Variants in EFCC1 observed in about 807,000 individuals in gnomAD.
The protein encoded by EFCC1 is EF-hand and coiled-coil domain-containing protein 1.
EFCC1 carries 50 observed loss-of-function variants against 52.1 expected under a neutral mutation model. The ratio of observed to expected loss-of-function variants is 0.96; its 90% CI spans 0.76 to 1.21. The LOEUF is 1.21. Ranked by LOEUF, EFCC1 falls within the 50% of genes most tolerant of loss-of-function variation. EFCC1 has a pLI of 0.00. For missense variants in EFCC1, 837 were observed against 867.3 expected, an observed-to-expected ratio of 0.97 and a Z score of 0.44; for synonymous variants, 399 against 396.5, an observed-to-expected ratio of 1.01 and a Z score of -0.08.
At chr3:129,017,607 A>AT (rs1234428590) in intron 2 of EFCC1, among the ~76,000 whole-genome samples, 19 of 152,066 alleles carry the variant, frequency 1.2e-4, no homozygotes. Context: ...CTTCACCCAC[A>AT]TTGCTTTCAT....
chr3:129,033,094 C>T (rs1445376546), intron 4 of EFCC1, 128 bp downstream of exon 4: 4 of 1,344,068 alleles, frequency 3.0e-6, no homozygotes, highest in Non-Finnish European at 3.9e-6. Context: ...GACTCTGTCC[C>T]CTTGTCCCTC....
chr3:129,028,212 T>G (rs1223216209), intron 2 of EFCC1, among the ~76,000 whole-genome samples: 1 of 151,706 alleles, frequency 6.6e-6, no homozygotes, highest in Admixed American at 6.6e-5. Flanking sequence ...GCCTCCTGAG[T>G]AGCTGGGATT....
chr3:129,030,902 T>G, intron 3 of EFCC1, 42 bp downstream of exon 3: 1 of 1,525,112 alleles, frequency 6.6e-7, no homozygotes, highest in Non-Finnish European at 8.8e-7. Context: ...AGGCTCACAG[T>G]CCCTCCGGCT....
Position 129,039,836 on chromosome 3 carries a change from C to A in EFCC1, c.1788C>A (p.Leu596=), listed in dbSNP as rs769371975. The part of the protein sequence containing the change: ...SAAAALTNPL[L]VSC Reference sequence around the variant, plus strand: ...CAGCTGCGCTCACCAACCCCCTCCTCGTCTCCTGCTGAGGTTACTGGCCCA... The same window carrying A: ...CAGCTGCGCTCACCAACCCCCTCCTAGTCTCCTGCTGAGGTTACTGGCCCA... Residue 596 remains leucine, a synonymous_variant, in exon 8 of 8, where the codon CTC becomes CTA. Transcript: ENST00000683648. 6.2e-7 allele frequency: 1 copy of A among 1,607,030 alleles called. No homozygotes were observed. Among genetic ancestry groups the A allele is most frequent in the Non-Finnish European group, 8.5e-7 (1 of 1,175,344 alleles).
Position 129,002,040 on chromosome 3 carries a change from C to T in EFCC1, c.412C>T (p.Pro138Ser), listed in dbSNP as rs1243146849. 1.6e-5 allele frequency: 25 copies of T among 1,543,430 alleles called. No homozygotes were observed. The highest frequency in any genetic ancestry group is 2.0e-5 in the Admixed American group (1 of 50,586). ...GCGCCTGGCGCTGCGCGCCGAGCCG[C>T]CGGAGCTCACCTTCCGCCAGTTCCA... ...EARLALRAEP[P>S]ELTFRQFHAR... Residue 138 changes from proline (P) to serine (S), a missense_variant, in exon 1 of 8, where the codon CCG becomes TCG. Physicochemically the swap from Pro to Ser is moderately conservative, Grantham distance 74. Coordinates refer to ENST00000683648, the MANE Select transcript of EFCC1 (RefSeq NM_001377500.1).
chr3:129,028,256 G>T (rs530037417), intron 2 of EFCC1, among the ~76,000 whole-genome samples: 1 of 151,256 alleles, frequency 6.6e-6, no homozygotes, highest in South Asian at 2.1e-4. Context: ...GCTAATTTTT[G>T]TATTTTTAGT....
intron 2 of EFCC1, among the ~76,000 whole-genome samples, chr3:129,023,394 T>C (rs1251947373): frequency 6.6e-6 from 1 of 151,600 alleles, no homozygotes; most frequent in East Asian, 1.9e-4. Flanking sequence ...AGTGGTGCGA[T>C]CTTGGCTCAC....
intron 2 of EFCC1, among the ~76,000 whole-genome samples, chr3:129,009,170 CCT>C (rs1444501270): frequency 6.6e-6 from 1 of 152,196 alleles, no homozygotes; most frequent in Non-Finnish European, 1.5e-5. Flanking sequence ...TTTCTTCTCT[CCT>C]CTGTTTTCTC....
chr3:129,021,790 T>G (rs543782169), intron 2 of EFCC1, among the ~76,000 whole-genome samples: 25 of 152,316 alleles, frequency 1.6e-4, no homozygotes, highest in African/African-American at 5.8e-4. Flanking sequence ...ATCTGAAAAT[T>G]TCATTGTTTG....
At chr3:129,036,866 C>T in intron 5 of EFCC1, 111 bp from the exon 6 acceptor site, 1 of 1,531,334 alleles carries the variant, frequency 6.5e-7, no homozygotes, top group Admixed American at 2.0e-5. Flanking sequence ...GCCACACACT[C>T]AGCTTCTCTG....
chr3:129,038,166 A>G (rs1400248226), intron 6 of EFCC1, among the ~76,000 whole-genome samples: 1 of 152,238 alleles, frequency 6.6e-6, no homozygotes, highest in East Asian at 1.9e-4. Context: ...GCAAAAGGAA[A>G]GAGAAAGGCT....
At chr3:129,031,660 C>T (rs1218261433) in intron 3 of EFCC1, among the ~76,000 whole-genome samples, 1 of 152,232 alleles carries the variant, frequency 6.6e-6, no homozygotes, top group East Asian at 1.9e-4. Context: ...TCCACACAAG[C>T]TTCAGGCACA....
rs534436634 is a variant in EFCC1 at position 129,001,377 on chromosome 3, G to A, written c.-252G>A. Among the ~76,000 whole-genome samples the A allele has an allele frequency of 3.7e-4, 56 of 152,332 alleles. 1 individual carries two copies. Among genetic ancestry groups the A allele is most frequent in the Middle Eastern group, 3.4e-3 (1 of 294 alleles). ...CGCGGAGAAGCCAGACCCAGACGCC[G>A]ACCGGGCACTGGTGGCGCTGCCGGG... On this transcript the variant is annotated 5_prime_UTR_variant, in exon 1 of 8. Coordinates refer to ENST00000683648, the MANE Select transcript of EFCC1 (RefSeq NM_001377500.1).
chr3:129,001,734 C>A lies in EFCC1; in HGVS notation c.106C>A (p.His36Asn). Residue 36 changes from histidine (H) to asparagine (N), a missense_variant, in exon 1 of 8, where the codon CAC (histidine) becomes AAC (asparagine). His to Asn is a moderately conservative substitution (Grantham distance 68). Coordinates refer to ENST00000683648, the MANE Select transcript of EFCC1 (RefSeq NM_001377500.1). ...RTQWLLSALA[H>N]HYGLDRGVEN... Reference sequence around the variant, plus strand: ...GCAGTGGCTGCTGAGCGCCCTGGCGCACCACTACGGGCTGGACCGCGGCGT... The same window carrying A: ...GCAGTGGCTGCTGAGCGCCCTGGCGAACCACTACGGGCTGGACCGCGGCGT... 3 of 1,529,174 alleles carry A rather than the reference C, an allele frequency of 2.0e-6. No individual in the cohort carries two copies. Among genetic ancestry groups the A allele is most frequent in the Middle Eastern group, 1.7e-4 (1 of 5,866 alleles). 94.7% of individuals were successfully genotyped at this position (1,529,174 alleles called of 1,614,324 possible).
At position 129,002,067 on chromosome 3, in the gene EFCC1, G is replaced by T. The variant is rs1166413691; in HGVS notation, c.439G>T (p.Ala147Ser). 1 of 1,537,776 alleles carries T rather than the reference G, an allele frequency of 6.5e-7. No individual in the cohort carries two copies. The highest frequency in any genetic ancestry group is 2.5e-5 in the East Asian group (1 of 39,710). The change falls in exon 1 of 8, where the codon GCG becomes TCG. Residue 147 changes from alanine to serine, a missense_variant. Transcript: ENST00000683648. ...GGAGCTCACCTTCCGCCAGTTCCAC[G>T]CGCGCCTCTGTGGCTACTTCGGCAC... ...PPELTFRQFH[A>S]RLCGYFGTRA... is the part of the protein sequence containing the mutation.
At chr3:129,030,672 C>G in intron 2 of EFCC1, 31 bp from the exon 3 acceptor site, 1 of 1,547,568 alleles carries the variant, frequency 6.5e-7, no homozygotes, top group Non-Finnish European at 8.7e-7. Context: ...TACTCTCCTC[C>G]TCAATGCCTG....
chr3:129,029,751 A>C (rs1946231071), intron 2 of EFCC1, among the ~76,000 whole-genome samples: 1 of 151,380 alleles, frequency 6.6e-6, no homozygotes, highest in Non-Finnish European at 1.5e-5. Flanking sequence ...CACCCAGCTA[A>C]TTTTTATATT....
rs994741763 is a variant in EFCC1, at chr3:129,014,826, G to C, written c.980+10749G>C. 6.6e-6 allele frequency among the ~76,000 whole-genome samples: 1 copy of C among 152,166 alleles called. No homozygotes were observed. On this transcript the variant is annotated intron_variant, in intron 2 of 7. Coordinates refer to ENST00000683648, the MANE Select transcript of EFCC1 (RefSeq NM_001377500.1). The surrounding 1 kb of genome is among the most constrained non-coding windows in gnomAD (Gnocchi z 4.3). Reference sequence around the variant, plus strand: ...CCTGCACGGGGACGAGCAGGTTGGAGCCAGCCTGGATGCCGAGGGGCCAGT... The same window carrying C: ...CCTGCACGGGGACGAGCAGGTTGGACCCAGCCTGGATGCCGAGGGGCCAGT...
chr3:129,017,843 G>A lies in EFCC1; in HGVS notation c.981-12860G>A, dbSNP rs370161961. On this transcript the variant is annotated intron_variant, in intron 2 of 7. Coordinates refer to ENST00000683648, the MANE Select transcript of EFCC1 (RefSeq NM_001377500.1). ...GAGAATTAGGGTGTGGAACTTGGGG[G>A]CCCATTCCTAGACATTCTGCCCACC... 1.4e-4 allele frequency among the ~76,000 whole-genome samples: 21 copies of A among 152,312 alleles called. 1 individual carries two copies. The highest frequency in any genetic ancestry group is 4.6e-4 in the Admixed American group (7 of 15,302).
Sources: allele counts gnomAD v4.1 joint callset (sites outside exome capture counted in the v4.1 genomes callset), GRCh38; gene constraint gnomAD v4.1.1; non-coding constraint Gnocchi (gnomAD v3.1); transcripts MANE v1.5; gene names NCBI Gene and HGNC (gene_info 2026-07-23, HGNC 2026-07-21).